The following ASTN2 variants were observed in gnomAD, a reference collection of about 807,000 sequenced individuals.
ASTN2 encodes the protein astrotactin-2.
ASTN2 carries 54 observed loss-of-function variants against 139.8 expected under a neutral mutation model. That is an observed-to-expected ratio of 0.39 (90% CI 0.31 to 0.48). The LOEUF (loss-of-function observed/expected upper bound fraction) is 0.48, where lower values mean the gene tolerates loss of function less well. Ranked by LOEUF, ASTN2 falls within the 20% of genes least tolerant of loss-of-function variation. ASTN2 has a pLI of 0.95. For synonymous variants in ASTN2, 756 were observed against 719.5 expected (o/e 1.05, Z -0.81); for missense variants, 1,565 against 1,725.1 (o/e 0.91, Z 1.64).
chr9:116,516,419 C>G (rs760573192), intron 19 of ASTN2, among the ~76,000 whole-genome samples: 1 of 152,186 alleles, frequency 6.6e-6, no homozygotes, highest in Non-Finnish European at 1.5e-5. Flanking sequence ...ACATCATAAT[C>G]TCATTTGATC....
intron 5 of ASTN2, among the ~76,000 whole-genome samples, chr9:117,054,622 T>C (rs1464244746): frequency 6.6e-6 from 1 of 151,926 alleles, no homozygotes; most frequent in East Asian, 1.9e-4. Flanking sequence ...ATGGGAAAAA[T>C]GGGGAATGTG....
chr9:117,284,269 A>C (rs546049224), intron 2 of ASTN2, among the ~76,000 whole-genome samples: 1 of 152,102 alleles, frequency 6.6e-6, no homozygotes, highest in East Asian at 1.9e-4. Flanking sequence ...AAGGCCAACT[A>C]ATTTTTTGTA....
At chr9:116,717,299 CTT>C (rs5900224) in intron 16 of ASTN2, among the ~76,000 whole-genome samples, 2 of 151,938 alleles carry the variant, frequency 1.3e-5, no homozygotes, top group Non-Finnish European at 2.9e-5. Context: ...GGAACAAATG[CTT>C]TTTTTTGGTA....
At chr9:116,959,727 G>A (rs142613759) in intron 10 of ASTN2, among the ~76,000 whole-genome samples, 2 of 152,192 alleles carry the variant, frequency 1.3e-5, no homozygotes, top group East Asian at 3.9e-4. Context: ...TCGGAGAGCA[G>A]GTCAAAAGAT....
chr9:117,294,799 C>A (rs1834687724), intron 1 of ASTN2, among the ~76,000 whole-genome samples: 1 of 152,196 alleles, frequency 6.6e-6, no homozygotes, highest in African/African-American at 2.4e-5. Context: ...GTTTCTCAAA[C>A]AAGGCAGACT....
At chr9:117,039,624 A>T (rs1325884185) in intron 6 of ASTN2, among the ~76,000 whole-genome samples, 195 bp downstream of exon 6, 1 of 152,220 alleles carries the variant, frequency 6.6e-6, no homozygotes, top group East Asian at 1.9e-4. Flanking sequence ...AAATAAAAGC[A>T]GTCTTTAATT....
At chr9:116,444,475 A>G (rs955578318) in intron 20 of ASTN2, among the ~76,000 whole-genome samples, 2 of 152,272 alleles carry the variant, frequency 1.3e-5, no homozygotes, top group Non-Finnish European at 2.9e-5. Context: ...AGCCAAGACT[A>G]TCATCTGTCT....
intron 1 of ASTN2, among the ~76,000 whole-genome samples, chr9:117,327,827 G>A (rs1273755056): frequency 2.0e-5 from 3 of 152,154 alleles, no homozygotes; most frequent in Non-Finnish European, 4.4e-5. Flanking sequence ...GATAAATAAA[G>A]CAATCATTCA....
chr9:117,098,779 A>T (rs1384817039), intron 4 of ASTN2, among the ~76,000 whole-genome samples: 1 of 50,040 alleles, frequency 2.0e-5, no homozygotes, highest in Admixed American at 2.0e-4. Flanking sequence ...TTTTACTGTT[A>T]AAAAAAAAAA....
At chr9:116,880,766 TG>T (rs1833432413) in intron 10 of ASTN2, among the ~76,000 whole-genome samples, 2 of 152,134 alleles carry the variant, frequency 1.3e-5, no homozygotes, top group South Asian at 4.2e-4. Flanking sequence ...GGTGCCATGA[TG>T]GGGATGAATT....
intron 16 of ASTN2, among the ~76,000 whole-genome samples, chr9:116,708,746 A>AT (rs1828062308): frequency 1.3e-5 from 2 of 152,170 alleles, no homozygotes; most frequent in Non-Finnish European, 2.9e-5. Flanking sequence ...AGCATTCGCA[A>AT]TTTTTTTAAA....
At chr9:116,660,122 GA>G (rs1219804467) in intron 16 of ASTN2, among the ~76,000 whole-genome samples, 1 of 151,706 alleles carries the variant, frequency 6.6e-6, no homozygotes, top group Non-Finnish European at 1.5e-5. Context: ...ATATATGTAT[GA>G]GTATGTGTAT....
At chr9:116,883,440 T>C (rs948315180) in intron 10 of ASTN2, among the ~76,000 whole-genome samples, 7 of 152,202 alleles carry the variant, frequency 4.6e-5, no homozygotes, top group African/African-American at 1.4e-4. Flanking sequence ...TCCATGTCCC[T>C]TTCTTCTGAT....
rs763720824 is a variant in ASTN2 at position 116,698,175 on chromosome 9, C to T, written c.2806+27596G>A. On this transcript the variant is annotated intron_variant, in intron 16 of 22. Coordinates refer to ENST00000313400, the MANE Select transcript of ASTN2 (RefSeq NM_001365068.1). This position sits in a 1 kb window ranked among gnomAD's most constrained non-coding sequence, Gnocchi z 4.4. Reference sequence around the variant, plus strand: ...CCCTGTCAAAGAAGCAGCTGAGGAGCGGCGTCGGGACTTTGGAGAGAAGTT... The same window carrying T: ...CCCTGTCAAAGAAGCAGCTGAGGAGTGGCGTCGGGACTTTGGAGAGAAGTT... 9.9e-6 allele frequency: 16 copies of T among 1,613,998 alleles called. No individual in the cohort carries two copies. The highest frequency in any genetic ancestry group is 3.3e-5 in the Admixed American group (2 of 60,002).
Position 117,344,636 on chromosome 9 carries a change from GT to G in ASTN2, c.443-53124del, listed in dbSNP as rs201697995. On this transcript the variant is annotated intron_variant, in intron 1 of 22. Coordinates refer to ENST00000313400, the MANE Select transcript of ASTN2 (RefSeq NM_001365068.1). ...CAGCTCCTTGTATGAGAAGAAGCAT[GT>G]TTCTCTTATGCAATTCATCTCCTTA... Among the ~76,000 whole-genome samples, 1,084 of 152,206 alleles carry G rather than the reference GT, an allele frequency of 7.1e-3. 11 individuals are homozygous for G. Among genetic ancestry groups the G allele is most frequent in the African/African-American group, 0.025 (1,033 of 41,514 alleles).
intron 3 of ASTN2, among the ~76,000 whole-genome samples, chr9:117,190,450 CCTAA>C (rs1046474133): frequency 1.3e-5 from 2 of 152,046 alleles, no homozygotes; most frequent in Non-Finnish European, 2.9e-5. Context: ...TCAGTTTGGC[CCTAA>C]CTGTTTACCA....
intron 5 of ASTN2, among the ~76,000 whole-genome samples, chr9:117,044,737 C>T (rs1448538563): frequency 1.3e-5 from 2 of 152,162 alleles, no homozygotes; most frequent in Admixed American, 6.5e-5. Context: ...CATTCATTTA[C>T]GAATCCAGCC....
rs55954354 is a variant in ASTN2 at position 116,815,804 on chromosome 9, C to CAAAAAAAAAAAAAAAAAAA, written c.2207+4794_2207+4812dup. On this transcript the variant is annotated intron_variant, in intron 12 of 22. Coordinates refer to ENST00000313400, the MANE Select transcript of ASTN2 (RefSeq NM_001365068.1). ...TGGGCAACAGAGCGAGACTCCGTCT[C>CAAAAAAAAAAAAAAAAAAA]AAAAAAAAAAAAAAAAAAAAAAAAG... 1.0e-3 allele frequency among the ~76,000 whole-genome samples: 25 copies of CAAAAAAAAAAAAAAAAAAA among 24,104 alleles called. 6 individuals are homozygous for CAAAAAAAAAAAAAAAAAAA. Among genetic ancestry groups the CAAAAAAAAAAAAAAAAAAA allele is most frequent in the Non-Finnish European group, 1.1e-3 (16 of 14,962 alleles). 15.8% of individuals were successfully genotyped at this position (24,104 alleles called of 152,430 possible).
intron 2 of ASTN2, among the ~76,000 whole-genome samples, chr9:117,257,776 A>G (rs1259061884): frequency 1.3e-5 from 2 of 152,194 alleles, no homozygotes; most frequent in African/African-American, 4.8e-5. Flanking sequence ...GCAAAACAGC[A>G]TTCCAGGAGT....
Sources: gnomAD v4.1 joint callset for allele counts (sites outside exome capture counted in the v4.1 genomes callset) on GRCh38, gnomAD v4.1.1 for gene constraint, Gnocchi (gnomAD v3.1) non-coding constraint, MANE v1.5 for transcripts, NCBI Gene and HGNC (gene_info 2026-07-23, HGNC 2026-07-21) for gene names.